EBF1: variants seen among roughly 807,000 people sequenced by gnomAD.
EBF1 encodes the protein EBF transcription factor 1.
Under a neutral mutation model 68.4 loss-of-function variants are expected in EBF1, and 10 were observed. The ratio of observed to expected loss-of-function variants is 0.15; its 90% CI spans 0.09 to 0.25. The LOEUF is 0.25. Among genes scored for constraint, EBF1 ranks in the 10% least tolerant of loss-of-function variants. EBF1 has a pLI of 1.00. For synonymous variants in EBF1, 298 were observed against 299.8 expected, an observed-to-expected ratio of 0.99 and a Z score of 0.06; for missense variants, 509 against 794.4, an observed-to-expected ratio of 0.64 and a Z score of 4.32.
intron 10 of EBF1, among the ~76,000 whole-genome samples, chr5:158,774,984 T>TAA (rs397815862): frequency 0.095 from 13,286 of 139,410 alleles, 659 homozygotes; most frequent in African/African-American, 0.11. Flanking sequence ...CTAGAATATT[T>TAA]AAAAAAAAAA....
chr5:159,092,387 A>C (rs1047561219), intron 4 of EBF1, among the ~76,000 whole-genome samples: 7 of 152,206 alleles, frequency 4.6e-5, no homozygotes, highest in African/African-American at 1.7e-4. Context: ...CTTTACAATG[A>C]AGGCATAGGG....
Position 158,698,535 on chromosome 5 carries a change from ATG to A in EBF1, c.*574_*575del. 4.5e-6 allele frequency: 1 copy of A among 221,848 alleles called. No homozygotes were observed. The highest frequency in any genetic ancestry group is 9.0e-6 in the Non-Finnish European group (1 of 110,598). The allele number at this position is 221,848 out of a possible 1,614,324, so 13.7% of individuals were successfully genotyped here. On this transcript the variant is annotated 3_prime_UTR_variant, in exon 16 of 16. Transcript: ENST00000313708. Reference sequence around the variant, plus strand: ...TGGCATGTTAAGTTAGATATTGAAAATGCACTGTCTGAGCTAACTACCATTTG... The same window carrying A: ...TGGCATGTTAAGTTAGATATTGAAAACACTGTCTGAGCTAACTACCATTTG...
intron 10 of EBF1, among the ~76,000 whole-genome samples, chr5:158,764,279 G>C (rs945001247): frequency 3.3e-5 from 5 of 152,134 alleles, no homozygotes; most frequent in Non-Finnish European, 7.3e-5. Context: ...TTGGCTGATA[G>C]GTGGAAGAAA....
intron 6 of EBF1, among the ~76,000 whole-genome samples, chr5:158,992,532 TA>T (rs1406302431): frequency 2.6e-5 from 4 of 152,222 alleles, no homozygotes; most frequent in African/African-American, 9.6e-5. Context: ...TGTGTAATTA[TA>T]ATGCTAGGAT....
intron 6 of EBF1, among the ~76,000 whole-genome samples, chr5:159,054,546 T>C (rs961415490): frequency 6.6e-6 from 1 of 152,200 alleles, no homozygotes; most frequent in Admixed American, 6.5e-5. Context: ...GCTTAAGGAA[T>C]ATATACTGTA....
At chr5:158,969,904 G>GAAAGAAAGAA (rs1554093886) in intron 6 of EBF1, among the ~76,000 whole-genome samples, 1 of 105,632 alleles carries the variant, frequency 9.5e-6, no homozygotes, top group Non-Finnish European at 2.0e-5. Context: ...AAGAAAGAAA[G>GAAAGAAAGAA]AAAGAAAGAA....
In EBF1 at chr5:158,697,228, T is replaced by A. The variant is rs934775869; in HGVS notation, c.*1883A>T. The A allele has an allele frequency of 2.1e-5, 4 of 193,328 alleles. No individual in the cohort carries two copies. The highest frequency in any genetic ancestry group is 6.1e-5 in the Admixed American group (1 of 16,338). The allele number at this position is 193,328 out of a possible 1,614,324, so 12.0% of individuals were successfully genotyped here. ...CTTCCAAAGCAAAGGATACATTTTT[T>A]TTTAAATCTACTGAACTAAATACTA... On this transcript the variant is annotated 3_prime_UTR_variant, in exon 16 of 16. Transcript: ENST00000313708.
In EBF1 at chr5:158,788,099, T is replaced by C. The variant is rs139362666; in HGVS notation, c.909+8246A>G. ...CTAATGCCTCAGAAGTGCAAAGCTCTGTGCTGGGCATCACAGAAAATTAAG... is the reference window on the plus strand; with the variant it reads ...CTAATGCCTCAGAAGTGCAAAGCTCCGTGCTGGGCATCACAGAAAATTAAG... On this transcript the variant is annotated intron_variant, in intron 9 of 15. Transcript: ENST00000313708. 6.6e-4 allele frequency among the ~76,000 whole-genome samples: 101 copies of C among 152,312 alleles called. 1 individual carries two copies. Among genetic ancestry groups the C allele is most frequent in the African/African-American group, 2.3e-3 (96 of 41,578 alleles).
chr5:158,743,661 A>G (rs755431267), intron 10 of EBF1, among the ~76,000 whole-genome samples: 20 of 152,238 alleles, frequency 1.3e-4, no homozygotes, highest in Non-Finnish European at 2.2e-4. Context: ...AATAAAATCT[A>G]CATGAATTCA....
At chr5:159,042,207 A>G (rs1771343911) in intron 6 of EBF1, among the ~76,000 whole-genome samples, 1 of 152,210 alleles carries the variant, frequency 6.6e-6, no homozygotes, top group Non-Finnish European at 1.5e-5. Flanking sequence ...CCCTGCCTGC[A>G]TCTTCTGCTC....
chr5:158,849,271 C>G (rs1259638391), intron 6 of EBF1, among the ~76,000 whole-genome samples: 2 of 152,038 alleles, frequency 1.3e-5, no homozygotes, highest in Non-Finnish European at 2.9e-5. Flanking sequence ...CAATAATATG[C>G]TCTCCTACTC....
chr5:158,726,657 T>C (rs1035285440), intron 11 of EBF1, among the ~76,000 whole-genome samples: 39 of 152,140 alleles, frequency 2.6e-4, no homozygotes, highest in African/African-American at 9.4e-4. Flanking sequence ...CCTGAGAAGG[T>C]CCCCAGGCCA....
intron 6 of EBF1, among the ~76,000 whole-genome samples, chr5:159,046,185 C>T (rs1020098956): frequency 2.6e-5 from 4 of 152,232 alleles, no homozygotes; most frequent in Non-Finnish European, 2.9e-5. Flanking sequence ...GCCCCTGACA[C>T]TCTGTCCCAC....
intron 6 of EBF1, among the ~76,000 whole-genome samples, chr5:158,929,684 A>G (rs915741566): frequency 6.6e-6 from 1 of 152,146 alleles, no homozygotes; most frequent in Admixed American, 6.6e-5. Context: ...AATTATCACC[A>G]ACCTAATGCT....
At chr5:159,016,829 G>A (rs1444510889) in intron 6 of EBF1, among the ~76,000 whole-genome samples, 1 of 152,208 alleles carries the variant, frequency 6.6e-6, no homozygotes, top group Non-Finnish European at 1.5e-5. Context: ...TTGACCTTAG[G>A]TTGGTCTAAG....
chr5:158,842,731 C>T (rs1015690493), intron 6 of EBF1, among the ~76,000 whole-genome samples: 1 of 152,190 alleles, frequency 6.6e-6, no homozygotes, highest in Non-Finnish European at 1.5e-5. Context: ...GTATTGGGTG[C>T]TTACCTTGTG....
chr5:158,966,843 G>T (rs1033427561), intron 6 of EBF1, among the ~76,000 whole-genome samples: 3 of 152,168 alleles, frequency 2.0e-5, no homozygotes, highest in Non-Finnish European at 2.9e-5. Context: ...ATAGCTGAAG[G>T]CCAATTCATC....
At chr5:158,938,711 G>A (rs1812611971) in intron 6 of EBF1, among the ~76,000 whole-genome samples, 1 of 152,156 alleles carries the variant, frequency 6.6e-6, no homozygotes, top group African/African-American at 2.4e-5. Flanking sequence ...CTCTTCTTAT[G>A]AAGACGGTAA....
chr5:158,890,199 G>C (rs768341519), intron 6 of EBF1, among the ~76,000 whole-genome samples: 2 of 152,182 alleles, frequency 1.3e-5, no homozygotes, highest in Non-Finnish European at 2.9e-5. Flanking sequence ...CTGTCACACA[G>C]GGATATTTTA....
Sources: gnomAD v4.1 joint callset for allele counts (sites outside exome capture counted in the v4.1 genomes callset) on GRCh38, gnomAD v4.1.1 for gene constraint, MANE v1.5 for transcripts, NCBI Gene and HGNC (gene_info 2026-07-23, HGNC 2026-07-21) for gene names.